ACOT2: variants seen among roughly 807,000 people sequenced by gnomAD.
The protein encoded by ACOT2 is acyl-CoA thioesterase 2.
ACOT2 carries 15 observed loss-of-function variants against 20.1 expected under a neutral mutation model. The ratio of observed to expected loss-of-function variants is 0.75; its 90% CI spans 0.50 to 1.15. The LOEUF is 1.15. Ranked by LOEUF, ACOT2 falls within the 50% of genes most tolerant of loss-of-function variation. The pLI is 0.00. For synonymous variants in ACOT2, 252 were observed against 268.4 expected (o/e 0.94, Z 0.60); for missense variants, 479 against 615.3 (o/e 0.78, Z 2.34).
In ACOT2 at chr14:73,569,876, G is replaced by T. The variant is rs750182909; in HGVS notation, c.636G>T (p.Leu212=). ...GCCGGGTGCGAGGCACGCTCTTCCT[G>T]CCGCCAGGTGACTCACCTCCGCTAA... is the stretch of plus-strand genomic sequence containing the variant. ...RVGRVRGTLF[L]PPEPGPFPGI... is the part of the protein sequence containing the mutation. Residue 212 remains leucine, a synonymous_variant, in exon 1 of 3, where the codon CTG becomes CTT. Transcript: ENST00000238651. The T allele has an allele frequency of 2.5e-6, 4 of 1,603,726 alleles. No homozygotes were observed. The Admixed American group carries it at 6.8e-5, about 27-fold the overall frequency.
At chr14:73,570,556 G>T (rs1005482918) in intron 1 of ACOT2, among the ~76,000 whole-genome samples, 14 of 146,014 alleles carry the variant, frequency 9.6e-5, no homozygotes, top group African/African-American at 3.0e-4. Flanking sequence ...GCGACAGAGC[G>T]AGACTCCGTC....
chr14:73,569,615 G>A lies in ACOT2; in HGVS notation c.375G>A (p.Glu125=). Residue 125 remains glutamate, a synonymous_variant, in exon 1 of 3, where the codon GAG becomes GAA. Transcript: ENST00000238651. ...RADTLGELDL[E]RAPALGGSFA... is the part of the protein sequence containing the mutation. ...ACACTCTTGGCGAGCTGGACCTGGA[G>A]CGCGCGCCCGCGCTGGGCGGCAGCT... 1 of 1,600,516 alleles carries A rather than the reference G, an allele frequency of 6.2e-7. No individual in the cohort carries two copies. The highest frequency in any genetic ancestry group is 8.5e-7 in the Non-Finnish European group (1 of 1,175,542).
rs767335448 is a variant in ACOT2, at chr14:73,569,255, T to G, written c.15T>G (p.Leu5=). 6 of 1,613,662 alleles carry G rather than the reference T, an allele frequency of 3.7e-6. No individual in the cohort carries two copies. The highest frequency in any genetic ancestry group is 2.2e-5 in the East Asian group (1 of 44,892). The change falls in exon 1 of 3, where the codon CTT becomes CTG. Residue 5 remains leucine, a synonymous_variant. Transcript: ENST00000238651. ...AGCCCGAGAGGATGTCTAACAAGCT[T>G]CTTTCTCCCCACCCCCATTCAGTTG... MSNK[L]LSPHPHSVVL...
intron 1 of ACOT2, among the ~76,000 whole-genome samples, chr14:73,570,513 G>T (rs1345441820): frequency 6.6e-6 from 1 of 151,990 alleles, no homozygotes; most frequent in African/African-American, 2.4e-5. Context: ...AGTTTGTAGT[G>T]AGCTGAGATC....
At chr14:73,574,555 TC>T in intron 2 of ACOT2, 1 of 441,150 alleles carries the variant, frequency 2.3e-6, no homozygotes, top group Non-Finnish European at 4.2e-6. Context: ...CAGCCACCAC[TC>T]CCGGCCATGA....
At chr14:73,570,976 CT>C (rs369680117) in intron 1 of ACOT2, among the ~76,000 whole-genome samples, 33 of 74,346 alleles carry the variant, frequency 4.4e-4, no homozygotes, top group Non-Finnish European at 5.0e-4. Flanking sequence ...TAGGAAGCCA[CT>C]TTTTTTTTTT....
rs1889811714 is a variant in ACOT2, at chr14:73,573,605, C to T, written c.846+15C>T. 1 of 1,613,320 alleles carries T rather than the reference C, an allele frequency of 6.2e-7. No individual in the cohort carries two copies. The highest frequency in any genetic ancestry group is 1.1e-5 in the South Asian group (1 of 91,042). On this transcript the variant is annotated intron_variant, in intron 2 of 2. Coordinates refer to ENST00000238651, the MANE Select transcript of ACOT2 (RefSeq NM_006821.6). ...GTCATCCCGAGGTTAGTTCTTCTTT[C>T]AGATTTATGGGCTATGATGTATCAG...
At position 73,569,412 on chromosome 14, in the gene ACOT2, A is replaced by G; in HGVS notation, c.172A>G (p.Arg58Gly). Residue 58 changes from arginine (R) to glycine (G), a missense_variant, in exon 1 of 3, where the codon AGG becomes GGG. By Grantham distance (125) the Arg-to-Gly change is moderately radical. This residue lies in a region of ACOT2 where 400 missense variants were observed against 395.5 expected (regional missense o/e 1.01). Coordinates refer to ENST00000238651, the MANE Select transcript of ACOT2 (RefSeq NM_006821.6). ...PQLRQVGQII[R>G]VPARMAATLI... The stretch of plus-strand genomic sequence containing the variant: ...GCTGAGGCAGGTTGGTCAGATCATT[A>G]GGGTTCCTGCTCGGATGGCGGCGAC... 1 of 1,613,974 alleles carries G rather than the reference A, an allele frequency of 6.2e-7. No homozygotes were observed. Among genetic ancestry groups the G allele is most frequent in the South Asian group, 1.1e-5 (1 of 91,070 alleles).
At position 73,575,553 on chromosome 14, in the gene ACOT2, C is replaced by G. The variant is rs768421631; in HGVS notation, c.*40C>G. ...TGTGGCCTCTCTGTTGCTAATCTCT[C>G]CTGGAAACATCTGCCACATTTAGTG... On this transcript the variant is annotated 3_prime_UTR_variant, in exon 3 of 3. Transcript: ENST00000238651. 15 of 1,531,010 alleles carry G rather than the reference C, an allele frequency of 9.8e-6. No individual in the cohort carries two copies. The Admixed American group carries it at 1.3e-4, about 14-fold the overall frequency. The allele number at this position is 1,531,010 out of a possible 1,614,324, so 94.8% of individuals were successfully genotyped here. A position where few individuals can be genotyped will look rare whatever the true frequency, so the allele number is the denominator to read the frequency against.
rs748658805 is a variant in ACOT2 at position 73,575,448 on chromosome 14, C to G, written c.1387C>G (p.Gln463Glu). Residue 463 changes from glutamine to glutamate, a missense_variant, in exon 3 of 3, where the codon CAA (glutamine) becomes GAA (glutamate). This residue lies in a region of ACOT2 where 40 missense variants were observed against 93.4 expected (regional missense o/e 0.43). Transcript: ENST00000238651. ...HAMAQVDAWK[Q>E]LQTFFHKHLG... The stretch of plus-strand genomic sequence containing the variant: ...CATGGCTCAGGTGGATGCTTGGAAA[C>G]AACTCCAGACTTTCTTCCACAAACA... 5 of 1,429,356 alleles carry G rather than the reference C, an allele frequency of 3.5e-6. No individual in the cohort carries two copies. The highest frequency in any genetic ancestry group is 4.6e-6 in the Non-Finnish European group (5 of 1,076,504). 88.5% of individuals were successfully genotyped at this position (1,429,356 alleles called of 1,614,324 possible).
Position 73,569,238 on chromosome 14 carries a change from A to G in ACOT2, c.-3A>G. 1.2e-6 allele frequency: 2 copies of G among 1,613,000 alleles called. No individual in the cohort carries two copies. Among genetic ancestry groups the G allele is most frequent in the Non-Finnish European group, 1.7e-6 (2 of 1,179,082 alleles). On this transcript the variant is annotated 5_prime_UTR_variant, in exon 1 of 3. Coordinates refer to ENST00000238651, the MANE Select transcript of ACOT2 (RefSeq NM_006821.6). ...GCTTAGCCTGCGACGGCAGCCCGAG[A>G]GGATGTCTAACAAGCTTCTTTCTCC...
chr14:73,570,004 G>T, intron 1 of ACOT2, 121 bp downstream of exon 1: 1 of 1,404,954 alleles, frequency 7.1e-7, no homozygotes, highest in South Asian at 1.5e-5. Flanking sequence ...ATATTGCCCA[G>T]GCAGGTTTCG....
chr14:73,568,678 G>A (rs1595167982), upstream of ACOT2, among the ~76,000 whole-genome samples: 1 of 151,974 alleles, frequency 6.6e-6, no homozygotes, highest in Non-Finnish European at 1.5e-5. Flanking sequence ...CTAGCATTTT[G>A]GGAGGCTGAG....
upstream of ACOT2, chr14:73,569,078 G>A (rs1889652935): frequency 2.3e-6 from 2 of 873,376 alleles, no homozygotes; most frequent in Non-Finnish European, 3.5e-6. Context: ...CTAGGAAGTA[G>A]CTTTCCAACA....
upstream of ACOT2, chr14:73,569,079 C>A: frequency 1.1e-6 from 1 of 878,272 alleles, no homozygotes; most frequent in Non-Finnish European, 1.7e-6. Flanking sequence ...TAGGAAGTAG[C>A]TTTCCAACAT....
At chr14:73,570,016 A>T (rs1216462890) in intron 1 of ACOT2, 133 bp downstream of exon 1, 1 of 1,353,846 alleles carries the variant, frequency 7.4e-7, no homozygotes, top group South Asian at 1.5e-5. Context: ...CAGGTTTCGA[A>T]TTCCTGGTCT....
At chr14:73,568,944 C>A, upstream of ACOT2, 3 of 458,974 alleles carry the variant, frequency 6.5e-6, no homozygotes, top group South Asian at 6.2e-5. Flanking sequence ...AAAACTAACT[C>A]CAGCTCTGCA....
Position 73,569,276 on chromosome 14 carries a change from A to G in ACOT2, c.36A>G (p.Ser12=). 1 of 1,613,780 alleles carries G rather than the reference A, an allele frequency of 6.2e-7. No homozygotes were observed. The highest frequency in any genetic ancestry group is 1.6e-4 in the Middle Eastern group (1 of 6,062). The part of the protein sequence containing the change: ...SNKLLSPHPH[S]VVLRSEFKMA... The stretch of plus-strand genomic sequence containing the variant: ...AGCTTCTTTCTCCCCACCCCCATTC[A>G]GTTGTTCTCAGGTCTGAATTCAAAA... The change falls in exon 1 of 3, where the codon TCA becomes TCG. Residue 12 remains serine, a synonymous_variant. Coordinates refer to ENST00000238651, the MANE Select transcript of ACOT2 (RefSeq NM_006821.6).
In ACOT2 at chr14:73,573,398, C is replaced by G. The variant is rs1889804538; in HGVS notation, c.654C>G (p.Pro218=). Residue 218 remains proline, a synonymous_variant, in exon 2 of 3, where the codon CCC becomes CCG. Transcript: ENST00000238651. ...GTLFLPPEPG[P]FPGIVDMFGT... ...TTGTTTCTTCCCAAGAACCTGGGCC[C>G]TTTCCTGGGATTGTGGACATGTTCG... is the stretch of plus-strand genomic sequence containing the variant. 1 of 1,613,476 alleles carries G rather than the reference C, an allele frequency of 6.2e-7. No individual in the cohort carries two copies. Among genetic ancestry groups the G allele is most frequent in the Non-Finnish European group, 8.5e-7 (1 of 1,179,684 alleles).
Sources: gnomAD v4.1 joint callset for allele counts (sites outside exome capture counted in the v4.1 genomes callset) on GRCh38, gnomAD v4.1.1 for gene constraint, gnomAD v4.1.1 regional missense constraint, MANE v1.5 for transcripts, NCBI Gene and HGNC (gene_info 2026-07-23, HGNC 2026-07-21) for gene names.